Variants in GAB1 observed in about 807,000 individuals in gnomAD.
GAB1 encodes GRB2-associated-binding protein 1.
A neutral mutation model predicts 66.5 loss-of-function variants in GAB1; 19 were observed. The ratio of observed to expected loss-of-function variants is 0.29; its 90% CI spans 0.20 to 0.42. GAB1 has a LOEUF of 0.42. Ranked by LOEUF, GAB1 falls within the 10% of genes least tolerant of loss-of-function variation. GAB1 has a pLI of 1.00. For missense variants in GAB1, 732 were observed against 858.5 expected (o/e 0.85, Z 1.84); for synonymous variants, 294 against 301.4 (o/e 0.98, Z 0.25).
intron 2 of GAB1, among the ~76,000 whole-genome samples, chr4:143,422,480 A>G (rs1733080762): frequency 6.6e-6 from 1 of 152,206 alleles, no homozygotes; most frequent in Non-Finnish European, 1.5e-5. Flanking sequence ...CAAAGAGCCT[A>G]TCACATCAAG....
intron 1 of GAB1, among the ~76,000 whole-genome samples, chr4:143,341,317 AATT>A (rs1336887127): frequency 6.6e-6 from 1 of 152,258 alleles, no homozygotes; most frequent in African/African-American, 2.4e-5. Flanking sequence ...ATTTTTAAAG[AATT>A]ATTTAAAGAA....
chr4:143,416,654 G>T (rs1732707833), intron 2 of GAB1, among the ~76,000 whole-genome samples: 1 of 151,896 alleles, frequency 6.6e-6, no homozygotes, highest in South Asian at 2.1e-4. Context: ...CACGCCTGTA[G>T]TTCCAGCTAC....
At chr4:143,384,791 G>A (rs1049383273) in intron 1 of GAB1, among the ~76,000 whole-genome samples, 2 of 152,226 alleles carry the variant, frequency 1.3e-5, no homozygotes, top group African/African-American at 4.8e-5. Flanking sequence ...CTGGGGCCGA[G>A]TTGGCAGCTA....
intron 6 of GAB1, chr4:143,457,550 T>C (rs1222595876): frequency 1.4e-5 from 7 of 508,594 alleles, no homozygotes; most frequent in African/African-American, 2.0e-5. Context: ...CAACAAACTT[T>C]TGTTCATGCT....
chr4:143,397,697 A>G (rs968856501), intron 1 of GAB1, among the ~76,000 whole-genome samples: 4 of 152,226 alleles, frequency 2.6e-5, no homozygotes, highest in Admixed American at 2.6e-4. Flanking sequence ...ACAAGGGCTA[A>G]AAATCAACCC....
chr4:143,462,129 TATA>T (rs1313327093), intron 8 of GAB1, among the ~76,000 whole-genome samples: 1 of 152,178 alleles, frequency 6.6e-6, no homozygotes, highest in Non-Finnish European at 1.5e-5. Flanking sequence ...TCAAAAATAA[TATA>T]ATCAATATAT....
chr4:143,418,252 T>C lies in GAB1; in HGVS notation c.367+2481T>C, dbSNP rs1222281770. On this transcript the variant is annotated intron_variant, in intron 2 of 9. Transcript: ENST00000262994. ...CAAGAAATTGTTTCACAGGAGGAATTAAGGGTTCAGTTGTTTTCGTGAAGT... is the reference window on the plus strand; with the variant it reads ...CAAGAAATTGTTTCACAGGAGGAATCAAGGGTTCAGTTGTTTTCGTGAAGT... Among the ~76,000 whole-genome samples, 5 of 152,348 alleles carry C rather than the reference T, an allele frequency of 3.3e-5. No homozygotes were observed. In the East Asian group the frequency reaches 9.6e-4, roughly 29 times the overall value.
intron 3 of GAB1, among the ~76,000 whole-genome samples, chr4:143,435,307 C>G (rs1234912654): frequency 2.0e-5 from 3 of 152,122 alleles, no homozygotes. Context: ...TATAAATCAA[C>G]ATTTGTTAAT....
intron 1 of GAB1, among the ~76,000 whole-genome samples, chr4:143,367,222 C>G (rs1729919117): frequency 6.6e-6 from 1 of 152,116 alleles, no homozygotes; most frequent in South Asian, 2.1e-4. Context: ...AGGAGGATAA[C>G]TACATTTTGG....
chr4:143,455,835 A>G (rs1156492315), intron 6 of GAB1, among the ~76,000 whole-genome samples: 1 of 152,216 alleles, frequency 6.6e-6, no homozygotes, highest in Non-Finnish European at 1.5e-5. Flanking sequence ...CTGAACTCCA[A>G]GCAGCTCCAA....
intron 1 of GAB1, chr4:143,349,166 C>T (rs1729091629): frequency 4.4e-6 from 2 of 451,718 alleles, no homozygotes; most frequent in South Asian, 7.6e-5. Context: ...AGGTCCCCCC[C>T]TTCCTAGATT....
chr4:143,370,910 G>C (rs892905744), intron 1 of GAB1, among the ~76,000 whole-genome samples: 9 of 152,164 alleles, frequency 5.9e-5, no homozygotes, highest in South Asian at 2.1e-4. Flanking sequence ...AGTATTCCAT[G>C]GTGTATATGT....
chr4:143,382,162 A>G (rs1730683920), intron 1 of GAB1: 1 of 152,172 alleles, frequency 6.6e-6, no homozygotes, highest in South Asian at 2.1e-4. Context: ...CTTTGGTTAG[A>G]CAGACTAATG....
chr4:143,446,608 G>T (rs1396227127), intron 6 of GAB1, among the ~76,000 whole-genome samples: 1 of 152,188 alleles, frequency 6.6e-6, no homozygotes, highest in South Asian at 2.1e-4. Flanking sequence ...AGAAGTGTCT[G>T]TTCATATCCT....
intron 1 of GAB1, chr4:143,380,784 G>A (rs560702473): frequency 6.6e-6 from 1 of 152,324 alleles, no homozygotes; most frequent in South Asian, 2.1e-4. Context: ...ATTTGCAGAT[G>A]TTTAGTTTAT....
chr4:143,336,966 C>A lies in GAB1; in HGVS notation c.-223C>A, dbSNP rs925406963. On this transcript the variant is annotated 5_prime_UTR_variant, in exon 1 of 10. Transcript: ENST00000262994. ...GGCGCACTGAAAGGAGGCCGGCGCG[C>A]CCGCGGCCCCGGCTCGCGTTCTGTT... is the stretch of plus-strand genomic sequence containing the variant. The A allele has an allele frequency of 6.2e-6, 3 of 482,604 alleles. No homozygotes were observed. The highest frequency in any genetic ancestry group is 1.1e-5 in the Non-Finnish European group (3 of 272,664). 29.9% of individuals were successfully genotyped at this position (482,604 alleles called of 1,614,324 possible). A position where few individuals can be genotyped will look rare whatever the true frequency, so the allele number is the denominator to read the frequency against.
chr4:143,451,890 G>A (rs1734948775), intron 6 of GAB1, among the ~76,000 whole-genome samples: 2 of 137,242 alleles, frequency 1.5e-5, no homozygotes, highest in South Asian at 4.7e-4. Flanking sequence ...GGTAAATGAA[G>A]TGCTCATTTA....
At chr4:143,436,866 A>C (rs1733966276) in intron 3 of GAB1, among the ~76,000 whole-genome samples, 1 of 152,180 alleles carries the variant, frequency 6.6e-6, no homozygotes. Context: ...TCAGAGAAGA[A>C]AATGAAGTTC....
At chr4:143,452,365 C>T (rs1336962617) in intron 6 of GAB1, among the ~76,000 whole-genome samples, 3 of 152,056 alleles carry the variant, frequency 2.0e-5, no homozygotes, top group Non-Finnish European at 4.4e-5. Context: ...GAGAGCAAAG[C>T]AAAGGGAGGG....
Sources: gnomAD v4.1 joint callset for allele counts (sites outside exome capture counted in the v4.1 genomes callset) on GRCh38, gnomAD v4.1.1 for gene constraint, MANE v1.5 for transcripts, NCBI Gene and HGNC (gene_info 2026-07-23, HGNC 2026-07-21) for gene names.